Variants in FOXP1 observed in about 807,000 individuals in gnomAD.
FOXP1 encodes the protein forkhead box protein P1.
In FOXP1, 15 loss-of-function variants were observed where a neutral mutation model predicts 98.2. That is an observed-to-expected ratio of 0.15 (90% CI 0.10 to 0.24). The LOEUF is 0.24. FOXP1 is among the 10% of genes least tolerant of loss of function. The pLI, the probability that FOXP1 is intolerant of heterozygous loss-of-function variation, is 1.00. For synonymous variants in FOXP1, 371 were observed against 314.5 expected, an observed-to-expected ratio of 1.18 and a Z score of -1.90; for missense variants, 633 against 848.5, an observed-to-expected ratio of 0.75 and a Z score of 3.15.
chr3:71,276,975 T>C lies in FOXP1; in HGVS notation c.-12+22845A>G, dbSNP rs575619332. Among the ~76,000 whole-genome samples, 618 of 145,514 alleles carry C rather than the reference T, an allele frequency of 4.2e-3. 9 individuals carry two copies. Among genetic ancestry groups the C allele is most frequent in the African/African-American group, 0.015 (568 of 38,986 alleles). On this transcript the variant is annotated intron_variant, in intron 5 of 20. Transcript: ENST00000649528. ...ATCAACTTTTTTTTTTTTTTTTTTT[T>C]AGAGACGGAGTCTCACTCTGTCGCC...
intron 11 of FOXP1, among the ~76,000 whole-genome samples, chr3:71,024,983 G>A (rs1055528385): frequency 3.9e-5 from 6 of 152,122 alleles, no homozygotes; most frequent in Non-Finnish European, 7.4e-5. Context: ...GGGTTTGCAT[G>A]GTATACCCTC....
intron 3 of FOXP1, among the ~76,000 whole-genome samples, chr3:71,439,950 GA>G (rs34186820): frequency 5.4e-4 from 72 of 132,966 alleles, no homozygotes; most frequent in East Asian, 3.3e-3. Flanking sequence ...TCTGTCTCAG[GA>G]AAAAAAAAAA....
At position 71,183,428 on chromosome 3, in the gene FOXP1, G is replaced by A. The variant is rs376023025; in HGVS notation, c.180+14774C>T. Among the ~76,000 whole-genome samples the A allele has an allele frequency of 3.0e-3, 453 of 152,276 alleles. 1 individual carries two copies. The highest frequency in any genetic ancestry group is 9.7e-3 in the African/African-American group (403 of 41,566). On this transcript the variant is annotated intron_variant, in intron 6 of 20. Coordinates refer to ENST00000649528, the MANE Select transcript of FOXP1 (RefSeq NM_001349338.3). Reference sequence around the variant, plus strand: ...GGAGGAGAATCGCTTGAACCCAGGAGGCGGAGGTTGCAGTGAGCCGAGATG... The same window carrying A: ...GGAGGAGAATCGCTTGAACCCAGGAAGCGGAGGTTGCAGTGAGCCGAGATG...
rs555429001 is a variant in FOXP1, at chr3:71,286,165, A to G, written c.-12+13655T>C. Among the ~76,000 whole-genome samples the G allele has an allele frequency of 2.0e-5, 3 of 152,306 alleles. No individual in the cohort carries two copies. The East Asian group carries it at 5.8e-4, about 29-fold the overall frequency. ...TGCTATGTATCAGGTATGCTCCATT[A>G]TAATTTTATGGGACCACAGTCATAT... On this transcript the variant is annotated intron_variant, in intron 5 of 20. Transcript: ENST00000649528.
intron 5 of FOXP1, among the ~76,000 whole-genome samples, chr3:71,277,240 G>GA (rs2071007342): frequency 6.7e-6 from 1 of 150,000 alleles, no homozygotes. Flanking sequence ...TTACAGGCAT[G>GA]AGCCACCGCA....
At chr3:71,039,465 A>G (rs1172066852) in intron 11 of FOXP1, among the ~76,000 whole-genome samples, 2 of 152,334 alleles carry the variant, frequency 1.3e-5, no homozygotes, top group South Asian at 2.1e-4. Flanking sequence ...CTGCAGATAC[A>G]TAACCTTTTA....
intron 14 of FOXP1, among the ~76,000 whole-genome samples, chr3:70,979,195 T>C (rs1014031135): frequency 2.2e-5 from 3 of 136,296 alleles, no homozygotes; most frequent in Non-Finnish European, 3.0e-5. Flanking sequence ...GGTGGGAAGA[T>C]AGCTTGAGTC....
At chr3:71,161,231 T>G (rs1344490568) in intron 6 of FOXP1, among the ~76,000 whole-genome samples, 1 of 152,150 alleles carries the variant, frequency 6.6e-6, no homozygotes, top group East Asian at 1.9e-4. Context: ...AACAATTTGT[T>G]TTTTCTCAAA....
In FOXP1 at chr3:70,956,001, T is replaced by C; in HGVS notation, c.*3246A>G. 1 of 233,276 alleles carries C rather than the reference T, an allele frequency of 4.3e-6. No homozygotes were observed. Among genetic ancestry groups the C allele is most frequent in the Non-Finnish European group, 8.5e-6 (1 of 118,048 alleles). The allele number at this position is 233,276 out of a possible 1,614,324, so 14.5% of individuals were successfully genotyped here. The stretch of plus-strand genomic sequence containing the variant: ...TCATCCAATATTCTTAAAGCAAGGA[T>C]AACTAAATAAAATACATGTGCAGCA... On this transcript the variant is annotated 3_prime_UTR_variant, in exon 21 of 21. Coordinates refer to ENST00000649528, the MANE Select transcript of FOXP1 (RefSeq NM_001349338.3).
At chr3:70,987,021 C>T (rs557243919) in intron 14 of FOXP1, among the ~76,000 whole-genome samples, 14 of 152,298 alleles carry the variant, frequency 9.2e-5, no homozygotes, top group South Asian at 6.2e-4. Flanking sequence ...TTTGCCATTA[C>T]GCTGCATCAT....
At chr3:71,565,598 A>AC (rs2046851042) in intron 2 of FOXP1, among the ~76,000 whole-genome samples, 1 of 152,226 alleles carries the variant, frequency 6.6e-6, no homozygotes, top group Non-Finnish European at 1.5e-5. Context: ...TATACTTGGT[A>AC]TAGTACCTAG....
intron 2 of FOXP1, among the ~76,000 whole-genome samples, chr3:71,522,661 G>A (rs1176586620): frequency 6.6e-6 from 1 of 152,198 alleles, no homozygotes; most frequent in Non-Finnish European, 1.5e-5. Context: ...CCATAACTCA[G>A]ACCGTTCTGG....
At chr3:70,999,487 T>C (rs2041842799) in intron 13 of FOXP1, among the ~76,000 whole-genome samples, 1 of 152,244 alleles carries the variant, frequency 6.6e-6, no homozygotes, top group Non-Finnish European at 1.5e-5. Flanking sequence ...AACATGTTAA[T>C]TTAAAGATGT....
At chr3:71,023,726 G>A (rs1457693348) in intron 11 of FOXP1, among the ~76,000 whole-genome samples, 2 of 152,130 alleles carry the variant, frequency 1.3e-5, no homozygotes, top group Non-Finnish European at 2.9e-5. Context: ...AATTTGATCC[G>A]AGAATATTCT....
intron 5 of FOXP1, among the ~76,000 whole-genome samples, chr3:71,229,247 T>C (rs899785271): frequency 2.6e-5 from 4 of 152,202 alleles, no homozygotes; most frequent in African/African-American, 9.6e-5. Flanking sequence ...ATTAAAATCT[T>C]TCATTCTGAT....
At chr3:71,106,514 T>TG (rs1351990681) in intron 7 of FOXP1, among the ~76,000 whole-genome samples, 10 of 152,036 alleles carry the variant, frequency 6.6e-5, no homozygotes, top group Admixed American at 2.0e-4. Flanking sequence ...TTTTGCAAGA[T>TG]GGGGTTTCAC....
intron 3 of FOXP1, among the ~76,000 whole-genome samples, chr3:71,389,254 C>CGGGGGGGGGTGGG (rs1560413261): frequency 1.6e-4 from 1 of 6,062 alleles, no homozygotes; most frequent in Non-Finnish European, 3.3e-4. Context: ...GGGGGGGGGC[C>CGGGGGGGGGTGGG]GGGGGGGGCG....
At chr3:71,115,317 T>TTTATTTATTTATTTATTTATTTA (rs1553745322) in intron 6 of FOXP1, among the ~76,000 whole-genome samples, 1 of 144,124 alleles carries the variant, frequency 6.9e-6, no homozygotes, top group Non-Finnish European at 1.5e-5. Flanking sequence ...ATTATTATTA[T>TTTATTTATTTATTTATTTATTTA]TTTATTTATT....
At chr3:71,397,075 CATATATATGTGTATATATATATAT>C (rs2081551167) in intron 3 of FOXP1, among the ~76,000 whole-genome samples, 4 of 38,492 alleles carry the variant, frequency 1.0e-4, no homozygotes, top group East Asian at 6.8e-4. Flanking sequence ...TATATATATA[CATATATATGTGTATATATATATAT>C]ACATATATAT....
Sources: gnomAD v4.1 joint callset for allele counts (sites outside exome capture counted in the v4.1 genomes callset) on GRCh38, gnomAD v4.1.1 for gene constraint, MANE v1.5 for transcripts, NCBI Gene and HGNC (gene_info 2026-07-23, HGNC 2026-07-21) for gene names.